Variants in CENPV observed in about 807,000 individuals in gnomAD.
CENPV encodes the protein nuclear protein p30.
CENPV carries 15 observed loss-of-function variants against 26.4 expected under a neutral mutation model. That is an observed-to-expected ratio of 0.57 (90% CI 0.38 to 0.88). The LOEUF is 0.88. CENPV is among the 40% of genes least tolerant of loss of function. The pLI, the probability that CENPV is intolerant of heterozygous loss-of-function variation, is 0.00. For missense variants in CENPV, 336 were observed against 376.5 expected (o/e 0.89, Z 0.89); for synonymous variants, 172 against 165.5 (o/e 1.04, Z -0.30).
chr17:16,349,713 C>T, intron 2 of CENPV: 1 of 1,322,662 alleles, frequency 7.6e-7, no homozygotes, highest in Non-Finnish European at 9.7e-7. Flanking sequence ...GGACCCTGCT[C>T]TGTGTCACCT....
intron 1 of CENPV, 141 bp from the exon 2 acceptor site, chr17:16,350,170 C>T: frequency 1.0e-6 from 1 of 972,102 alleles, no homozygotes; most frequent in Non-Finnish European, 1.5e-6. Context: ...TTTAAGGAGG[C>T]ACTGTCAATT....
chr17:16,349,914 G>A lies in CENPV; in HGVS notation c.509+17C>T. 6.3e-7 allele frequency: 1 copy of A among 1,576,008 alleles called. No individual in the cohort carries two copies. Among genetic ancestry groups the A allele is most frequent in the African/African-American group, 1.4e-5 (1 of 73,012 alleles). On this transcript the variant is annotated intron_variant, in intron 2 of 4. Coordinates refer to ENST00000299736, the MANE Select transcript of CENPV (RefSeq NM_181716.3). ...TGAAATTCTTTTAAGCCAATTTAGG[G>A]AAAAAAAAATACTCACTTGCAGTCA...
intron 2 of CENPV, 93 bp from the exon 3 acceptor site, chr17:16,348,778 AGAT>A: frequency 6.3e-7 from 1 of 1,579,554 alleles, no homozygotes. Flanking sequence ...CCGACCCCAC[AGAT>A]GATGCCCCTT....
chr17:16,343,221 C>A (rs904960726), intron 4 of CENPV, among the ~76,000 whole-genome samples: 1 of 152,222 alleles, frequency 6.6e-6, no homozygotes, highest in Non-Finnish European at 1.5e-5. Flanking sequence ...CAAGGCTAGA[C>A]AACATTCAAT....
chr17:16,349,665 A>T (rs2093221460), intron 2 of CENPV: 2 of 1,212,118 alleles, frequency 1.7e-6, no homozygotes, highest in Non-Finnish European at 2.1e-6. Flanking sequence ...CAGCAGTGTC[A>T]GTCTGAGGGT....
rs147730283 is a variant in CENPV at position 16,349,300 on chromosome 17, G to A, written c.510-615C>T. ...AGTTCTCCATTTGAGTAATTCCATCGTATGTGCTTATTATTCATATATAAT... is the reference window on the plus strand; with the variant it reads ...AGTTCTCCATTTGAGTAATTCCATCATATGTGCTTATTATTCATATATAAT... On this transcript the variant is annotated intron_variant, in intron 2 of 4. Transcript: ENST00000299736. 74 of 986,084 alleles carry A rather than the reference G, an allele frequency of 7.5e-5. No individual in the cohort carries two copies. The African/African-American group carries it at 9.1e-4, about 12-fold the overall frequency. The allele number at this position is 986,084 out of a possible 1,614,324, so 61.1% of individuals were successfully genotyped here.
Position 16,353,185 on chromosome 17 carries a change from C to G in CENPV, c.252G>C (p.Ala84=), listed in dbSNP as rs764193528. The G allele has an allele frequency of 1.4e-6, 2 of 1,393,322 alleles. No homozygotes were observed. The highest frequency in any genetic ancestry group is 2.9e-5 in the East Asian group (1 of 33,940). 86.3% of individuals were successfully genotyped at this position (1,393,322 alleles called of 1,614,324 possible). A position where few individuals can be genotyped will look rare whatever the true frequency, so the allele number is the denominator to read the frequency against. ...GPGEPPPPEL[A]LLPPPPPPPP... is the part of the protein sequence containing the mutation. ...GCGGCGGCGGCGGTGGCGGGAGCAACGCCAGCTCAGGCGGCGGCGGCTCCC... is the reference window on the plus strand; with the variant it reads ...GCGGCGGCGGCGGTGGCGGGAGCAAGGCCAGCTCAGGCGGCGGCGGCTCCC... The change falls in exon 1 of 5, where the codon GCG becomes GCC. Residue 84 remains alanine (A), a synonymous_variant. Coordinates refer to ENST00000299736, the MANE Select transcript of CENPV (RefSeq NM_181716.3).
Position 16,342,566 on chromosome 17 carries a change from C to T in CENPV, c.*251G>A. The T allele has an allele frequency of 1.9e-5, 10 of 523,844 alleles. No homozygotes were observed. Among genetic ancestry groups the T allele is most frequent in the East Asian group, 6.0e-5 (2 of 33,538 alleles). The allele number at this position is 523,844 out of a possible 1,614,324, so 32.4% of individuals were successfully genotyped here. On this transcript the variant is annotated 3_prime_UTR_variant, in exon 5 of 5. Coordinates refer to ENST00000299736, the MANE Select transcript of CENPV (RefSeq NM_181716.3). ...ATGTTAAAAATATTTATTTTTTTTCCTAAAAGATCACACAAAAGTTGGGAA... is the reference window on the plus strand; with the variant it reads ...ATGTTAAAAATATTTATTTTTTTTCTTAAAAGATCACACAAAAGTTGGGAA...
rs776285777 is a variant in CENPV, at chr17:16,353,050, G to C, written c.387C>G (p.Ala129=). 1.9e-6 allele frequency: 3 copies of C among 1,579,048 alleles called. No homozygotes were observed. The highest frequency in any genetic ancestry group is 8.6e-7 in the Non-Finnish European group (1 of 1,163,874). ...QKRQKLTSEG[A]AKLLLDTFEY... ...ACAAGGTGTCTAGCAGGAGCTTGGC[G>C]GCACCCTCGGAGGTAAGCTTCTGCC... Residue 129 remains alanine (A), a synonymous_variant, in exon 1 of 5, where the codon GCC becomes GCG. Coordinates refer to ENST00000299736, the MANE Select transcript of CENPV (RefSeq NM_181716.3).
intron 1 of CENPV, among the ~76,000 whole-genome samples, chr17:16,352,619 C>CA (rs1040462083): frequency 3.3e-4 from 50 of 150,042 alleles, no homozygotes; most frequent in East Asian, 1.8e-3. Context: ...TGTGCAAACA[C>CA]AAAAAAAAAG....
intron 1 of CENPV, chr17:16,351,355 G>A (rs1325676085): frequency 6.6e-6 from 1 of 152,188 alleles, no homozygotes; most frequent in African/African-American, 2.4e-5. Context: ...ATAAATAAAT[G>A]AGAAAACATT....
Position 16,353,388 on chromosome 17 carries a change from GCTTCT to G in CENPV, c.44_48del (p.Gln15ProfsTer28), listed in dbSNP as rs1568871698. ...GCGGGGGCCGCGGAGGCCCCGGACCGCTTCTGCCCGCGCAGCTTGGCGGCCGCAGA... is the reference window on the plus strand; with the variant it reads ...GCGGGGGCCGCGGAGGCCCCGGACCGGCCCGCGCAGCTTGGCGGCCGCAGA... On this transcript the variant is annotated frameshift_variant, in exon 1 of 5. Coordinates refer to ENST00000299736, the MANE Select transcript of CENPV (RefSeq NM_181716.3). LOFTEE classifies it high-confidence loss of function. The G allele has an allele frequency of 1.9e-5, 12 of 616,484 alleles. No individual in the cohort carries two copies. In the East Asian group the frequency reaches 7.0e-4, roughly 36 times the overall value. The allele number at this position is 616,484 out of a possible 1,614,324, so 38.2% of individuals were successfully genotyped here.
chr17:16,344,732 G>T, intron 3 of CENPV, 21 bp from the exon 4 acceptor site: 3 of 1,341,636 alleles, frequency 2.2e-6, no homozygotes, highest in Non-Finnish European at 3.1e-6. Context: ...ACAGACAAAC[G>T]GTATTCTTTT....
intron 3 of CENPV, among the ~76,000 whole-genome samples, chr17:16,347,179 T>C (rs1296925011): frequency 6.6e-6 from 1 of 152,124 alleles, no homozygotes; most frequent in East Asian, 1.9e-4. Flanking sequence ...CATATGTATC[T>C]TTGAAGAGGG....
In CENPV at chr17:16,342,650, C is replaced by T; in HGVS notation, c.*167G>A. The stretch of plus-strand genomic sequence containing the variant: ...GGGCAGAGGGAGGACAAAGAGCTGC[C>T]TAAAGAAACTGGTAGCTGGAGCAAA... On this transcript the variant is annotated 3_prime_UTR_variant, in exon 5 of 5. Coordinates refer to ENST00000299736, the MANE Select transcript of CENPV (RefSeq NM_181716.3). 1 of 688,472 alleles carries T rather than the reference C, an allele frequency of 1.5e-6. No homozygotes were observed. The highest frequency in any genetic ancestry group is 1.8e-5 in the African/African-American group (1 of 55,856). The allele number at this position is 688,472 out of a possible 1,614,324, so 42.6% of individuals were successfully genotyped here. A position where few individuals can be genotyped will look rare whatever the true frequency, so the allele number is the denominator to read the frequency against.
At chr17:16,352,336 TA>T (rs1387460165) in intron 1 of CENPV, among the ~76,000 whole-genome samples, 1 of 152,128 alleles carries the variant, frequency 6.6e-6, no homozygotes, top group East Asian at 1.9e-4. Flanking sequence ...TCGGGCCATC[TA>T]AAAGACTGCG....
chr17:16,353,403 G>C lies in CENPV; in HGVS notation c.34C>G (p.Leu12Val). ...RRSRSSAAAK[L>V]RGQKRSGASA... The stretch of plus-strand genomic sequence containing the variant: ...GCCCCGGACCGCTTCTGCCCGCGCA[G>C]CTTGGCGGCCGCAGAGCTCCTCGAT... The change falls in exon 1 of 5, where the codon CTG (leucine) becomes GTG (valine). Residue 12 changes from leucine to valine, a missense_variant. Leu to Val is a conservative substitution (Grantham distance 32). Transcript: ENST00000299736. 3 of 1,177,466 alleles carry C rather than the reference G, an allele frequency of 2.5e-6. No homozygotes were observed. The highest frequency in any genetic ancestry group is 1.6e-5 in the African/African-American group (1 of 61,732). The allele number at this position is 1,177,466 out of a possible 1,614,324, so 72.9% of individuals were successfully genotyped here.
In CENPV at chr17:16,349,915, A is replaced by T. The variant is rs192528929; in HGVS notation, c.509+16T>A. On this transcript the variant is annotated intron_variant, in intron 2 of 4. Coordinates refer to ENST00000299736, the MANE Select transcript of CENPV (RefSeq NM_181716.3). ...GAAATTCTTTTAAGCCAATTTAGGG[A>T]AAAAAAAATACTCACTTGCAGTCAA... is the stretch of plus-strand genomic sequence containing the variant. 1.9e-6 allele frequency: 3 copies of T among 1,563,246 alleles called. No individual in the cohort carries two copies. Among genetic ancestry groups the T allele is most frequent in the Non-Finnish European group, 2.6e-6 (3 of 1,153,854 alleles).
Position 16,344,682 on chromosome 17 carries a change from G to A in CENPV, c.609C>T (p.Phe203=), listed in dbSNP as rs745951992. The change falls in exon 4 of 5, where the codon TTC becomes TTT. Residue 203 remains phenylalanine, a synonymous_variant. Coordinates refer to ENST00000299736, the MANE Select transcript of CENPV (RefSeq NM_181716.3). ...AGGTATGCTGGGCTTTGTGAGTATT[G>A]AACGTGTAAGTCGTTATGTGCTCAG... ...KGAEHITTYT[F]NTHKAQHTFC... 2 of 1,598,556 alleles carry A rather than the reference G, an allele frequency of 1.3e-6. No homozygotes were observed. The highest frequency in any genetic ancestry group is 1.7e-5 in the Admixed American group (1 of 58,128).
Sources: allele counts gnomAD v4.1 joint callset (sites outside exome capture counted in the v4.1 genomes callset), GRCh38; gene constraint gnomAD v4.1.1; transcripts MANE v1.5; gene names NCBI Gene and HGNC (gene_info 2026-07-23, HGNC 2026-07-21).